Variants in FGFR4 observed in about 807,000 individuals in gnomAD.
The protein encoded by FGFR4 is hydroxyaryl-protein kinase.
FGFR4 carries 63 observed loss-of-function variants against 89.9 expected under a neutral mutation model. That is an observed-to-expected ratio of 0.70 (90% confidence interval 0.57 to 0.86). The LOEUF is 0.86. FGFR4 is among the 40% of genes least tolerant of loss of function. The pLI, the probability that FGFR4 is intolerant of heterozygous loss-of-function variation, is 0.00. For missense variants in FGFR4, 928 were observed against 1,106.7 expected, an observed-to-expected ratio of 0.84 and a Z score of 2.29; for synonymous variants, 486 against 479.4, an observed-to-expected ratio of 1.01 and a Z score of -0.18.
chr5:177,091,571 G>T (rs1784366961), intron 5 of FGFR4, 114 bp from the exon 6 acceptor site: 1 of 1,437,718 alleles, frequency 7.0e-7, no homozygotes, highest in Admixed American at 2.0e-5. Context: ...ATGTTCTCAG[G>T]GCCTAGAGAG....
At chr5:177,092,940 CTG>C in intron 8 of FGFR4, 156 bp downstream of exon 8, 2 of 1,336,426 alleles carry the variant, frequency 1.5e-6, no homozygotes, top group Non-Finnish European at 2.1e-6. Context: ...GACAGCCCCT[CTG>C]TGCCTCTCCA....
At chr5:177,096,543 C>T (rs1038048027) in intron 15 of FGFR4, 61 bp from the exon 16 acceptor site, 59 of 1,593,742 alleles carry the variant, frequency 3.7e-5, no homozygotes, top group Non-Finnish European at 4.6e-5. Flanking sequence ...TGGGGTCCCC[C>T]GTCCTAGCCC....
rs191483961 is a variant in FGFR4 at position 177,087,870 on chromosome 5, G to T, written c.-54+793G>T. ...ATGTGCCCAGTTTTGAAAGCCAATG[G>T]CTTCAGCGCTCCTGAAGGGGCAGAC... On this transcript the variant is annotated intron_variant, in intron 1 of 17. Coordinates refer to ENST00000292408, the MANE Select transcript of FGFR4 (RefSeq NM_213647.3). The surrounding 1 kb of genome is among the most constrained non-coding windows in gnomAD (Gnocchi z 6.1). Among the ~76,000 whole-genome samples the T allele has an allele frequency of 6.6e-6, 1 of 152,082 alleles. No homozygotes were observed.
chr5:177,096,151 A>G lies in FGFR4; in HGVS notation c.1916A>G (p.His639Arg), dbSNP rs1294294870. The change falls in exon 14 of 18, where the codon CAC (histidine) becomes CGC (arginine). Residue 639 changes from histidine (H) to arginine (R), a missense_variant. Coordinates refer to ENST00000292408, the MANE Select transcript of FGFR4 (RefSeq NM_213647.3). ...TTTGGGCTGGCCCGCGGCGTCCACC[A>G]CATTGACTACTATAAGAAAACCAGC... ...ADFGLARGVH[H>R]IDYYKKTSNG... The G allele has an allele frequency of 1.9e-6, 3 of 1,614,050 alleles. No homozygotes were observed. The highest frequency in any genetic ancestry group is 2.5e-6 in the Non-Finnish European group (3 of 1,179,972).
chr5:177,092,889 G>A (rs139094350), intron 8 of FGFR4, 105 bp downstream of exon 8: 70 of 1,557,018 alleles, frequency 4.5e-5, no homozygotes, highest in Non-Finnish European at 6.0e-5. Context: ...GTGGGGTCTG[G>A]CCTGGGGGGC....
Position 177,096,165 on chromosome 5 carries a change from A to C in FGFR4, c.1930A>C (p.Lys644Gln). The C allele has an allele frequency of 6.2e-7, 1 of 1,613,996 alleles. No homozygotes were observed. The highest frequency in any genetic ancestry group is 8.5e-7 in the Non-Finnish European group (1 of 1,179,958). Residue 644 changes from lysine (K) to glutamine (Q), a missense_variant, in exon 14 of 18, where the codon AAG (lysine) becomes CAG (glutamine). Transcript: ENST00000292408. ...ARGVHHIDYY[K>Q]KTSNGRLPVK... Reference sequence around the variant, plus strand: ...CGGCGTCCACCACATTGACTACTATAAGAAAACCAGCAACGTGAGGGAGAT... The same window carrying C: ...CGGCGTCCACCACATTGACTACTATCAGAAAACCAGCAACGTGAGGGAGAT...
chr5:177,090,052 G>T (rs1424277424), intron 2 of FGFR4: 1 of 662,550 alleles, frequency 1.5e-6, no homozygotes, highest in Admixed American at 2.1e-5. Context: ...AGGGTGATAT[G>T]CCCCGGTGCA....
Position 177,093,642 on chromosome 5 carries a change from C to T in FGFR4, c.1398-12C>T. The T allele has an allele frequency of 6.2e-7, 1 of 1,614,194 alleles. No individual in the cohort carries two copies. The highest frequency in any genetic ancestry group is 8.5e-7 in the Non-Finnish European group (1 of 1,180,026). On this transcript the variant is annotated splice_polypyrimidine_tract_variant and intron_variant, in intron 10 of 17. Transcript: ENST00000292408. The surrounding 1 kb of genome is among the most constrained non-coding windows in gnomAD (Gnocchi z 5.8). ...ACTCGGAGGTCTGAGGCTGGACTTT[C>T]TCCATCTCCAGGCTGGTGCTTGGGA...
At position 177,089,495 on chromosome 5, in the gene FGFR4, A is replaced by G. The variant is rs539015999; in HGVS notation, c.-53-55A>G. On this transcript the variant is annotated intron_variant, in intron 1 of 17. Transcript: ENST00000292408. ...GTTTCCTTATCTGCAAAATAAGGGA[A>G]AAGCCCCCACAAAGGTGCACGTGTA... The G allele has an allele frequency of 1.3e-5, 19 of 1,469,216 alleles. No homozygotes were observed. The East Asian group carries it at 4.7e-4, about 36-fold the overall frequency. The allele number at this position is 1,469,216 out of a possible 1,614,324, so 91.0% of individuals were successfully genotyped here.
At chr5:177,089,946 C>T (rs1458360305) in intron 2 of FGFR4, 3 of 697,386 alleles carry the variant, frequency 4.3e-6, no homozygotes, top group Non-Finnish European at 7.8e-6. Flanking sequence ...TGGTGGTGAG[C>T]TCCTTACCTG....
intron 6 of FGFR4, 35 bp from the exon 7 acceptor site, chr5:177,092,286 G>A (rs393923): frequency 0.81 from 1,217,094 of 1,505,656 alleles, 494,444 homozygotes; most frequent in East Asian, 1. Flanking sequence ...TATGGGTGCC[G>A]GTGGTCAGGG....
Position 177,093,130 on chromosome 5 carries a change from G to A in FGFR4, c.1058-8G>A, listed in dbSNP as rs1169134029. The A allele has an allele frequency of 3.7e-6, 6 of 1,614,046 alleles. No homozygotes were observed. Among genetic ancestry groups the A allele is most frequent in the Non-Finnish European group, 2.5e-6 (3 of 1,180,018 alleles). ...TGTCTGTCTGTGTGTGTCCATGTGCGAGGGCAGAGGAGGACCCCACATGGA... is the reference window on the plus strand; with the variant it reads ...TGTCTGTCTGTGTGTGTCCATGTGCAAGGGCAGAGGAGGACCCCACATGGA... On this transcript the variant is annotated splice_region_variant and splice_polypyrimidine_tract_variant and intron_variant, in intron 8 of 17. Coordinates refer to ENST00000292408, the MANE Select transcript of FGFR4 (RefSeq NM_213647.3). The surrounding 1 kb of genome is among the most constrained non-coding windows in gnomAD (Gnocchi z 5.8).
chr5:177,097,805 G>A lies in FGFR4; in HGVS notation c.*129G>A, dbSNP rs140481305. On this transcript the variant is annotated 3_prime_UTR_variant, in exon 18 of 18. Coordinates refer to ENST00000292408, the MANE Select transcript of FGFR4 (RefSeq NM_213647.3). Reference sequence around the variant, plus strand: ...CCCAGAGTTGCTGTGCCGTGTCCAAGGGCCGTGCCCTTGCCCTTGGAGCTG... The same window carrying A: ...CCCAGAGTTGCTGTGCCGTGTCCAAAGGCCGTGCCCTTGCCCTTGGAGCTG... The A allele has an allele frequency of 8.2e-7, 1 of 1,213,568 alleles. No individual in the cohort carries two copies. Among genetic ancestry groups the A allele is most frequent in the Non-Finnish European group, 1.1e-6 (1 of 891,058 alleles). The allele number at this position is 1,213,568 out of a possible 1,614,324, so 75.2% of individuals were successfully genotyped here. A position where few individuals can be genotyped will look rare whatever the true frequency, so the allele number is the denominator to read the frequency against.
In FGFR4 at chr5:177,093,440, G is replaced by A; in HGVS notation, c.1286G>A (p.Ser429Asn). ...GAGTCAGGCTCTTCCGGCAAGTCAA[G>A]CTCATCCCTGGTACGAGGCGTGCGT... ...SLESGSSGKS[S>N]SSLVRGVRLS... Residue 429 changes from serine (S) to asparagine (N), a missense_variant, in exon 10 of 18, where the codon AGC becomes AAC. This residue lies in a region of FGFR4 where 741 missense variants were observed against 836.9 expected (regional missense o/e 0.89). Coordinates refer to ENST00000292408, the MANE Select transcript of FGFR4 (RefSeq NM_213647.3). The surrounding 1 kb of genome is among the most constrained non-coding windows in gnomAD (Gnocchi z 5.8). 6.2e-7 allele frequency: 1 copy of A among 1,614,116 alleles called. No individual in the cohort carries two copies. The highest frequency in any genetic ancestry group is 1.1e-5 in the South Asian group (1 of 91,090).
At chr5:177,097,031 T>C (rs866105348) in intron 16 of FGFR4, among the ~76,000 whole-genome samples, 39 of 18,494 alleles carry the variant, frequency 2.1e-3, no homozygotes, top group Admixed American at 4.6e-3. Flanking sequence ...CCTCCTCCTC[T>C]TCCTCCTTCT....
Position 177,097,346 on chromosome 5 carries a change from C to T in FGFR4, c.2208C>T (p.Phe736=), listed in dbSNP as rs369140321. Residue 736 remains phenylalanine, a synonymous_variant, in exon 17 of 18, where the codon TTC becomes TTT. Transcript: ENST00000292408. ...CAGCGCCCTCCCAGAGGCCTACCTT[C>T]AAGCAGCTGGTGGAGGCGCTGGACA... ...WHAAPSQRPT[F]KQLVEALDKV... The T allele has an allele frequency of 5.6e-5, 91 of 1,612,078 alleles. No homozygotes were observed. Among genetic ancestry groups the T allele is most frequent in the Non-Finnish European group, 7.6e-5 (90 of 1,179,430 alleles).
At chr5:177,096,473 C>G (rs905140403) in intron 15 of FGFR4, 116 bp downstream of exon 15, 2 of 1,521,698 alleles carry the variant, frequency 1.3e-6, no homozygotes, top group Admixed American at 1.8e-5. Flanking sequence ...GTCTGGGACC[C>G]GAGTGGGCCC....
intron 2 of FGFR4, chr5:177,090,135 C>CGTGTCTGT (rs1784302742): frequency 2.8e-5 from 18 of 651,426 alleles, no homozygotes; most frequent in South Asian, 2.6e-4. Flanking sequence ...TGTGTGTATG[C>CGTGTCTGT]GTGTGTGTGT....
Position 177,093,351 on chromosome 5 carries a change from C to T in FGFR4, c.1251+20C>T, listed in dbSNP as rs550108915. ...CGACAGGTACTGGGCGCATCCCCCA[C>T]CTCACATGTGACAGCCTGACTCCAG... On this transcript the variant is annotated intron_variant, in intron 9 of 17. Transcript: ENST00000292408. This position sits in a 1 kb window ranked among gnomAD's most constrained non-coding sequence, Gnocchi z 5.8. 7.4e-6 allele frequency: 12 copies of T among 1,614,054 alleles called. No homozygotes were observed. Among genetic ancestry groups the T allele is most frequent in the East Asian group, 2.2e-5 (1 of 44,872 alleles).
Sources: gnomAD v4.1 joint callset for allele counts (sites outside exome capture counted in the v4.1 genomes callset) on GRCh38, gnomAD v4.1.1 for gene constraint, gnomAD v4.1.1 regional missense constraint, Gnocchi (gnomAD v3.1) non-coding constraint, MANE v1.5 for transcripts, NCBI Gene and HGNC (gene_info 2026-07-23, HGNC 2026-07-21) for gene names.